The following PCSK5 variants were observed in gnomAD, a reference collection of about 807,000 sequenced individuals.
The protein encoded by PCSK5 is proprotein convertase subtilisin/kexin type 5.
A neutral mutation model predicts 233.2 loss-of-function variants in PCSK5; 129 were observed. The ratio of observed to expected loss-of-function variants is 0.55; its 90% confidence interval spans 0.48 to 0.64. The LOEUF (loss-of-function observed/expected upper bound fraction) is 0.64, where lower values mean the gene tolerates loss of function less well. Among genes scored for constraint, PCSK5 ranks in the 30% least tolerant of loss-of-function variants. The probability of loss-of-function intolerance (pLI) is 0.00; values close to 1 mark genes in which losing one functional copy is unlikely to be tolerated. For missense variants in PCSK5, 2,076 were observed against 2,430.1 expected, an observed-to-expected ratio of 0.85 and a Z score of 3.06; for synonymous variants, 825 against 879.2, an observed-to-expected ratio of 0.94 and a Z score of 1.09.
intron 12 of PCSK5, among the ~76,000 whole-genome samples, chr9:76,165,559 A>G (rs10869715): frequency 0.23 from 34,883 of 152,122 alleles, 4,311 homozygotes; most frequent in African/African-American, 0.29. Flanking sequence ...ATCCAAAGTA[A>G]TTTATTTGGA....
At chr9:75,964,060 C>G (rs967669138) in intron 2 of PCSK5, among the ~76,000 whole-genome samples, 2 of 152,136 alleles carry the variant, frequency 1.3e-5, no homozygotes, top group African/African-American at 4.8e-5. Flanking sequence ...CCAACTGCTT[C>G]TTTTGTTGAG....
At chr9:75,965,117 G>A (rs933559785) in intron 2 of PCSK5, among the ~76,000 whole-genome samples, 1 of 152,208 alleles carries the variant, frequency 6.6e-6, no homozygotes, top group Non-Finnish European at 1.5e-5. Flanking sequence ...CAAAGGCAAA[G>A]CATCTGTGGG....
intron 1 of PCSK5, among the ~76,000 whole-genome samples, chr9:75,894,358 G>A (rs925650296): frequency 1.3e-5 from 2 of 151,982 alleles, no homozygotes; most frequent in African/African-American, 4.8e-5. Context: ...GCATTTCTAT[G>A]GAAAATAATA....
At chr9:76,040,385 G>GTCTCTCTCTCTCTC (rs5898445) in intron 5 of PCSK5, among the ~76,000 whole-genome samples, 16 of 80,676 alleles carry the variant, frequency 2.0e-4, no homozygotes, top group South Asian at 1.1e-3. Context: ...CTCTCTCTCT[G>GTCTCTCTCTCTCTC]TCTCTCTCTC....
intron 2 of PCSK5, among the ~76,000 whole-genome samples, chr9:75,953,625 G>A (rs1369826245): frequency 1.3e-5 from 2 of 149,330 alleles, no homozygotes; most frequent in Admixed American, 6.9e-5. Context: ...TAGTTTTATT[G>A]GCGTGCATAT....
chr9:75,918,620 A>G (rs553537642), intron 1 of PCSK5, among the ~76,000 whole-genome samples: 1 of 152,244 alleles, frequency 6.6e-6, no homozygotes, highest in Non-Finnish European at 1.5e-5. Context: ...CAGTAGTTCC[A>G]AATGACTCCA....
intron 7 of PCSK5, among the ~76,000 whole-genome samples, chr9:76,088,124 T>C (rs1831139650): frequency 6.6e-6 from 1 of 152,220 alleles, no homozygotes; most frequent in African/African-American, 2.4e-5. Flanking sequence ...AGAGTGTCTC[T>C]TAGGCTGCAT....
chr9:76,127,831 G>A (rs930319340), intron 9 of PCSK5, among the ~76,000 whole-genome samples: 1 of 151,910 alleles, frequency 6.6e-6, no homozygotes. Flanking sequence ...CAGCCATCTT[G>A]TGGAGTCAGC....
At chr9:76,210,783 T>C in intron 20 of PCSK5, among the ~76,000 whole-genome samples, 1 of 152,014 alleles carries the variant, frequency 6.6e-6, no homozygotes. Context: ...GGAAGATAAA[T>C]CCACCATATG....
At chr9:76,080,089 T>C (rs1830778073) in intron 7 of PCSK5, among the ~76,000 whole-genome samples, 1 of 152,248 alleles carries the variant, frequency 6.6e-6, no homozygotes, top group South Asian at 2.1e-4. Context: ...CTCCTTTTTT[T>C]CCCTTTAAAA....
At chr9:75,961,119 T>C (rs1696137859) in intron 2 of PCSK5, among the ~76,000 whole-genome samples, 1 of 152,214 alleles carries the variant, frequency 6.6e-6, no homozygotes, top group Non-Finnish European at 1.5e-5. Flanking sequence ...TCAGCTACTG[T>C]TGCTACTGAA....
At chr9:75,928,615 A>ATG (rs1823621590) in intron 1 of PCSK5, among the ~76,000 whole-genome samples, 1 of 108,936 alleles carries the variant, frequency 9.2e-6, no homozygotes, top group African/African-American at 4.3e-5. Flanking sequence ...ATATATATAT[A>ATG]TATATATATA....
intron 5 of PCSK5, among the ~76,000 whole-genome samples, chr9:76,033,253 A>G (rs1587526790): frequency 1.3e-5 from 2 of 152,032 alleles, no homozygotes; most frequent in South Asian, 4.2e-4. Flanking sequence ...GTACTAGAGG[A>G]AAAAAACACA....
chr9:76,329,425 G>T (rs897247601), intron 33 of PCSK5, among the ~76,000 whole-genome samples: 1 of 152,124 alleles, frequency 6.6e-6, no homozygotes, highest in African/African-American at 2.4e-5. Context: ...CTCCCAAAGT[G>T]CTGGGATTAC....
intron 22 of PCSK5, among the ~76,000 whole-genome samples, chr9:76,237,247 G>A (rs567951146): frequency 6.6e-6 from 1 of 152,302 alleles, no homozygotes; most frequent in African/African-American, 2.4e-5. Flanking sequence ...TTGATCGATA[G>A]CTATAGAATC....
At chr9:76,320,344 C>T (rs1244536953) in intron 30 of PCSK5, among the ~76,000 whole-genome samples, 7 of 149,468 alleles carry the variant, frequency 4.7e-5, no homozygotes, top group Non-Finnish European at 7.4e-5. Flanking sequence ...GCAGGAGAAT[C>T]GCTTGAACCT....
At chr9:75,946,797 C>T (rs148298986) in intron 2 of PCSK5, among the ~76,000 whole-genome samples, 198 of 152,246 alleles carry the variant, frequency 1.3e-3, no homozygotes, top group East Asian at 8.7e-3. Flanking sequence ...ACTATGTTGG[C>T]CAGGCTGGTC....
At chr9:76,273,576 CATATAT>C (rs34398269) in intron 24 of PCSK5, among the ~76,000 whole-genome samples, 9 of 118,146 alleles carry the variant, frequency 7.6e-5, no homozygotes, top group African/African-American at 2.8e-4. Flanking sequence ...TATATATATA[CATATAT>C]ATATATATAT....
chr9:76,106,508 G>A (rs1831984937), intron 8 of PCSK5, among the ~76,000 whole-genome samples: 1 of 152,170 alleles, frequency 6.6e-6, no homozygotes, highest in South Asian at 2.1e-4. Context: ...CTGGATTTAA[G>A]CCAAGAGGAT....
Sources: allele counts gnomAD v4.1 joint callset (sites outside exome capture counted in the v4.1 genomes callset), GRCh38; gene constraint gnomAD v4.1.1; transcripts MANE v1.5; gene names NCBI Gene and HGNC (gene_info 2026-07-23, HGNC 2026-07-21).